Variants in PXDNL observed in about 807,000 individuals in gnomAD.
PXDNL encodes peroxidasin like, also known as probable oxidoreductase PXDNL.
In PXDNL, 145 loss-of-function variants were observed where a neutral mutation model predicts 150.8. That is an observed-to-expected ratio of 0.96 (90% CI 0.84 to 1.10). PXDNL has a LOEUF of 1.10. Ranked by LOEUF, PXDNL falls within the 50% of genes least tolerant of loss-of-function variation. PXDNL has a pLI of 0.00. For missense variants in PXDNL, 2,087 were observed against 1,873.9 expected (o/e 1.11, Z -2.10); for synonymous variants, 757 against 725.7 (o/e 1.04, Z -0.69).
At chr8:51,584,191 G>A (rs1813272368) in intron 3 of PXDNL, among the ~76,000 whole-genome samples, 1 of 152,198 alleles carries the variant, frequency 6.6e-6, no homozygotes, top group Admixed American at 6.5e-5. Context: ...CAGGATGCTT[G>A]ATGAAAACGG....
chr8:51,532,976 C>A (rs1418979668), intron 4 of PXDNL, among the ~76,000 whole-genome samples: 1 of 148,208 alleles, frequency 6.7e-6, no homozygotes, highest in Non-Finnish European at 1.5e-5. Context: ...CTAATTGAAT[C>A]AAGTAGGAAA....
intron 17 of PXDNL, among the ~76,000 whole-genome samples, chr8:51,398,488 C>A (rs1472498659): frequency 6.6e-6 from 1 of 152,124 alleles, no homozygotes; most frequent in Non-Finnish European, 1.5e-5. Flanking sequence ...TCAGTAATAC[C>A]CAGAGAGCAG....
rs538570289 is a variant in PXDNL, at chr8:51,432,853, C to T, written c.1526-6095G>A. Among the ~76,000 whole-genome samples, 33 of 152,198 alleles carry T rather than the reference C, an allele frequency of 2.2e-4. No individual in the cohort carries two copies. The South Asian group carries it at 4.3e-3, about 20-fold the overall frequency. On this transcript the variant is annotated intron_variant, in intron 12 of 22. Coordinates refer to ENST00000356297, the MANE Select transcript of PXDNL (RefSeq NM_144651.5). ...ATTTGTTTTCTATGTCTTGCCTTTCCGTAAAGGCTAGGACCTTCCATTACA... is the reference window on the plus strand; with the variant it reads ...ATTTGTTTTCTATGTCTTGCCTTTCTGTAAAGGCTAGGACCTTCCATTACA...
At chr8:51,717,914 C>T (rs1443419396) in intron 1 of PXDNL, among the ~76,000 whole-genome samples, 3 of 152,168 alleles carry the variant, frequency 2.0e-5, no homozygotes, top group Admixed American at 1.3e-4. Flanking sequence ...GGGGGGTTTC[C>T]AAAACCTTAT....
intron 1 of PXDNL, among the ~76,000 whole-genome samples, chr8:51,794,751 A>G (rs977325879): frequency 6.6e-6 from 1 of 152,192 alleles, no homozygotes; most frequent in Non-Finnish European, 1.5e-5. Flanking sequence ...AACTACATCA[A>G]CAAGTCTCCA....
At position 51,790,796 on chromosome 8, in the gene PXDNL, ATGTGTG is replaced by A. The variant is rs1456542454; in HGVS notation, c.164+18379_164+18384del. 9.0e-5 allele frequency among the ~76,000 whole-genome samples: 3 copies of A among 33,496 alleles called. No homozygotes were observed. In the South Asian group the frequency reaches 7.3e-3, roughly 81 times the overall value. 22.0% of individuals were successfully genotyped at this position (33,496 alleles called of 152,430 possible). Reference sequence around the variant, plus strand: ...GGCTGCCACTCTTTTATATATATATATGTGTGTGTGTGTGTGTGAGTGTTTCCAGTG... The same window carrying A: ...GGCTGCCACTCTTTTATATATATATATGTGTGTGTGTGAGTGTTTCCAGTG... On this transcript the variant is annotated intron_variant, in intron 1 of 22. Coordinates refer to ENST00000356297, the MANE Select transcript of PXDNL (RefSeq NM_144651.5).
At chr8:51,637,244 T>TG (rs1054183243) in intron 2 of PXDNL, among the ~76,000 whole-genome samples, 1 of 151,872 alleles carries the variant, frequency 6.6e-6, no homozygotes, top group African/African-American at 2.4e-5. Flanking sequence ...ACCACAAAGA[T>TG]GGGGAAAAAA....
chr8:51,779,550 C>G (rs1397782376), intron 1 of PXDNL, among the ~76,000 whole-genome samples: 1 of 152,184 alleles, frequency 6.6e-6, no homozygotes, highest in Non-Finnish European at 1.5e-5. Flanking sequence ...CTGGAGAAAG[C>G]CTGTGCCCAG....
intron 12 of PXDNL, among the ~76,000 whole-genome samples, chr8:51,446,481 AT>A (rs914093289): frequency 6.6e-5 from 10 of 152,244 alleles, no homozygotes; most frequent in East Asian, 1.9e-4. Context: ...TCAAATCTTG[AT>A]TTTTTTCCCT....
chr8:51,801,327 A>G (rs2037618044), intron 1 of PXDNL, among the ~76,000 whole-genome samples: 1 of 152,132 alleles, frequency 6.6e-6, no homozygotes, highest in Admixed American at 6.5e-5. Context: ...GTTTTCTGTT[A>G]AGATGTTTAT....
chr8:51,562,626 C>T (rs1012240354), intron 3 of PXDNL, among the ~76,000 whole-genome samples: 3 of 151,922 alleles, frequency 2.0e-5, no homozygotes, highest in Non-Finnish European at 1.5e-5. Flanking sequence ...AATGAAAAGC[C>T]TAAACCCTCC....
chr8:51,453,504 C>T lies in PXDNL; in HGVS notation c.1249+15G>A. 2 of 1,612,770 alleles carry T rather than the reference C, an allele frequency of 1.2e-6. No individual in the cohort carries two copies. The highest frequency in any genetic ancestry group is 1.7e-6 in the Non-Finnish European group (2 of 1,178,870). ...GCAGGAGGAACATTTCAATCATGACCTTCTGCTCCCATACCTTGTACAATT... is the reference window on the plus strand; with the variant it reads ...GCAGGAGGAACATTTCAATCATGACTTTCTGCTCCCATACCTTGTACAATT... On this transcript the variant is annotated intron_variant, in intron 10 of 22. Coordinates refer to ENST00000356297, the MANE Select transcript of PXDNL (RefSeq NM_144651.5).
At chr8:51,557,811 T>C (rs1812629441) in intron 3 of PXDNL, among the ~76,000 whole-genome samples, 1 of 152,136 alleles carries the variant, frequency 6.6e-6, no homozygotes, top group Admixed American at 6.6e-5. Context: ...AAAATCACAG[T>C]TCTGCCTAAA....
chr8:51,696,703 C>CCACACACACACACACA (rs1420422806), intron 1 of PXDNL, among the ~76,000 whole-genome samples: 1 of 3,470 alleles, frequency 2.9e-4, no homozygotes, highest in Non-Finnish European at 5.9e-4. Flanking sequence ...CCACACACAT[C>CCACACACACACACACA]CACACACAGG....
At chr8:51,468,877 G>T (rs940527329) in intron 8 of PXDNL, among the ~76,000 whole-genome samples, 4 of 151,742 alleles carry the variant, frequency 2.6e-5, no homozygotes, top group African/African-American at 7.3e-5. Flanking sequence ...ATTGTCTAAC[G>T]TTCTACTTTT....
At chr8:51,381,853 G>T (rs1201796069) in intron 17 of PXDNL, among the ~76,000 whole-genome samples, 2 of 151,358 alleles carry the variant, frequency 1.3e-5, no homozygotes, top group Non-Finnish European at 1.5e-5. Context: ...CAAAAGATAT[G>T]ATTTAATAAG....
chr8:51,543,728 A>AAG (rs1554551313), intron 4 of PXDNL, among the ~76,000 whole-genome samples: 8 of 150,966 alleles, frequency 5.3e-5, no homozygotes, highest in African/African-American at 1.7e-4. Flanking sequence ...AAAAAAAAAA[A>AAG]AAAGAAAGAA....
At chr8:51,607,205 G>A (rs1250483789) in intron 2 of PXDNL, among the ~76,000 whole-genome samples, 1 of 152,150 alleles carries the variant, frequency 6.6e-6, no homozygotes, top group African/African-American at 2.4e-5. Flanking sequence ...TAGGAAATGG[G>A]GAGGGACACA....
chr8:51,337,004 G>A (rs1205405669), intron 21 of PXDNL, among the ~76,000 whole-genome samples: 1 of 152,156 alleles, frequency 6.6e-6, no homozygotes, highest in African/African-American at 2.4e-5. Context: ...CACAGACTTT[G>A]TATCAGGCTC....
Sources: allele counts gnomAD v4.1 joint callset (sites outside exome capture counted in the v4.1 genomes callset), GRCh38; gene constraint gnomAD v4.1.1; transcripts MANE v1.5; gene names NCBI Gene and HGNC (gene_info 2026-07-23, HGNC 2026-07-21).